The following TRIM44 variants were observed in gnomAD, a reference collection of about 807,000 sequenced individuals.
TRIM44 encodes tripartite motif-containing protein 44.
TRIM44 carries 13 observed loss-of-function variants against 37.4 expected under a neutral mutation model. The observed-to-expected ratio is 0.35, with a 90% CI of 0.23 to 0.55. The LOEUF (loss-of-function observed/expected upper bound fraction) is 0.55. Among genes scored for constraint, TRIM44 ranks in the 20% least tolerant of loss-of-function variants. TRIM44 has a pLI of 0.89. For missense variants in TRIM44, 426 were observed against 437.2 expected (o/e 0.97, Z 0.23); for synonymous variants, 175 against 157.2 (o/e 1.11, Z -0.85).
At chr11:35,687,330 G>T (rs527678447) in intron 2 of TRIM44, among the ~76,000 whole-genome samples, 48 of 152,292 alleles carry the variant, frequency 3.2e-4, no homozygotes, top group African/African-American at 1.1e-3. Flanking sequence ...CTTGTCTTCT[G>T]GTGTAGTCAG....
In TRIM44 at chr11:35,813,276, G is replaced by A. The variant is rs184353301; in HGVS notation, c.*6891G>A. 18 of 152,268 alleles carry A rather than the reference G, an allele frequency of 1.2e-4. No homozygotes were observed. The East Asian group carries it at 2.9e-3, about 24-fold the overall frequency. 9.4% of individuals were successfully genotyped at this position (152,268 alleles called of 1,614,324 possible). A position where few individuals can be genotyped will look rare whatever the true frequency, so the allele number is the denominator to read the frequency against. On this transcript the variant is annotated 3_prime_UTR_variant, in exon 5 of 5. Coordinates refer to ENST00000299413, the MANE Select transcript of TRIM44 (RefSeq NM_017583.6). ...CCTGAACACAAAATCTAAACCAGTGGTTTGACAATGAGTAACTGAGACAGA... is the reference window on the plus strand; with the variant it reads ...CCTGAACACAAAATCTAAACCAGTGATTTGACAATGAGTAACTGAGACAGA...
In TRIM44 at chr11:35,813,456, C is replaced by G. The variant is rs923568588; in HGVS notation, c.*7071C>G. The G allele has an allele frequency of 1.3e-5, 2 of 152,146 alleles. No individual in the cohort carries two copies. The highest frequency in any genetic ancestry group is 2.4e-5 in the African/African-American group (1 of 41,410). 9.4% of individuals were successfully genotyped at this position (152,146 alleles called of 1,614,324 possible). ...TAGTCATCAGGCACCTCCTCAGAAC[C>G]TATTTGCTCTTCCTTCACACATATT... On this transcript the variant is annotated 3_prime_UTR_variant, in exon 5 of 5. Coordinates refer to ENST00000299413, the MANE Select transcript of TRIM44 (RefSeq NM_017583.6).
chr11:35,799,002 C>T lies in TRIM44; in HGVS notation c.1008-7356C>T, dbSNP rs561930772. 2.6e-5 allele frequency among the ~76,000 whole-genome samples: 4 copies of T among 152,158 alleles called. 1 individual carries two copies. The South Asian group carries it at 8.3e-4, about 32-fold the overall frequency. ...AAAAGCAACAAAAAAGAAAAAGTTA[C>T]TCTTTGAATTAAAAAAATAAGGCTG... is the stretch of plus-strand genomic sequence containing the variant. On this transcript the variant is annotated intron_variant, in intron 4 of 4. Coordinates refer to ENST00000299413, the MANE Select transcript of TRIM44 (RefSeq NM_017583.6).
At chr11:35,775,558 G>A (rs911686876) in intron 4 of TRIM44, among the ~76,000 whole-genome samples, 13 of 152,154 alleles carry the variant, frequency 8.5e-5, no homozygotes, top group African/African-American at 3.1e-4. Flanking sequence ...AGTTTTCGAA[G>A]GGAATGCTTC....
intron 4 of TRIM44, among the ~76,000 whole-genome samples, chr11:35,741,738 A>G (rs1033329284): frequency 6.6e-6 from 1 of 152,162 alleles, no homozygotes; most frequent in Non-Finnish European, 1.5e-5. Flanking sequence ...TAGGAGCTCT[A>G]TTCCCTAACC....
At chr11:35,774,827 A>C (rs1001699700) in intron 4 of TRIM44, among the ~76,000 whole-genome samples, 1 of 152,038 alleles carries the variant, frequency 6.6e-6, no homozygotes, top group Non-Finnish European at 1.5e-5. Flanking sequence ...ATTGGTCTAT[A>C]TCTCTGTTTT....
rs968040191 is a variant in TRIM44 at position 35,663,270 on chromosome 11, C to T, written c.159C>T (p.Leu53=). 2 of 1,612,774 alleles carry T rather than the reference C, an allele frequency of 1.2e-6. No homozygotes were observed. The highest frequency in any genetic ancestry group is 1.7e-6 in the Non-Finnish European group (2 of 1,178,892). The change falls in exon 1 of 5, where the codon CTC becomes CTT. Residue 53 remains leucine, a synonymous_variant. Coordinates refer to ENST00000299413, the MANE Select transcript of TRIM44 (RefSeq NM_017583.6). ...CCGAGGCGCACAGGCAGAAGTTCCTCAGTCACCATCTGGCCGAATACGTCC... is the reference window on the plus strand; with the variant it reads ...CCGAGGCGCACAGGCAGAAGTTCCTTAGTCACCATCTGGCCGAATACGTCC... The part of the protein sequence containing the change: ...RHAEAHRQKF[L]SHHLAEYVHG...
intron 3 of TRIM44, among the ~76,000 whole-genome samples, chr11:35,733,971 A>G (rs964756488): frequency 5.3e-5 from 8 of 152,268 alleles, no homozygotes; most frequent in Non-Finnish European, 7.4e-5. Flanking sequence ...GGCAATATCA[A>G]TGTTACCTTC....
intron 2 of TRIM44, among the ~76,000 whole-genome samples, chr11:35,721,161 C>G (rs1177395521): frequency 6.6e-6 from 1 of 152,146 alleles, no homozygotes; most frequent in Non-Finnish European, 1.5e-5. Context: ...ACGTCAACCT[C>G]CCAAAGTGCC....
intron 2 of TRIM44, among the ~76,000 whole-genome samples, chr11:35,697,111 C>T (rs1183163695): frequency 4.7e-5 from 7 of 150,342 alleles, no homozygotes; most frequent in Non-Finnish European, 1.0e-4. Context: ...ATGTGCACAA[C>T]GTGCAGGTTT....
intron 4 of TRIM44, among the ~76,000 whole-genome samples, chr11:35,768,921 ATGG>A (rs1852830613): frequency 6.6e-6 from 1 of 152,234 alleles, no homozygotes; most frequent in East Asian, 1.9e-4. Context: ...GGCTAATAAA[ATGG>A]TGGTGTTTTT....
intron 3 of TRIM44, among the ~76,000 whole-genome samples, chr11:35,729,032 G>A (rs1482325728): frequency 2.0e-5 from 3 of 152,096 alleles, no homozygotes; most frequent in Non-Finnish European, 4.4e-5. Flanking sequence ...GACTCTTGCA[G>A]GTGGAAAAAA....
At position 35,696,857 on chromosome 11, in the gene TRIM44, A is replaced by C. The variant is rs61879648; in HGVS notation, c.747+11521A>C. 4.3e-4 allele frequency among the ~76,000 whole-genome samples: 65 copies of C among 150,068 alleles called. No individual in the cohort carries two copies. The East Asian group carries it at 0.011, about 25-fold the overall frequency. On this transcript the variant is annotated intron_variant, in intron 2 of 4. Transcript: ENST00000299413. ...AGTGAAACTCTGTCCAAAAAAAAAA[A>C]CAACAATTAATTAATTAATTAATTA... is the stretch of plus-strand genomic sequence containing the variant.
At chr11:35,673,020 C>G (rs1851416173) in intron 1 of TRIM44, among the ~76,000 whole-genome samples, 1 of 152,162 alleles carries the variant, frequency 6.6e-6, no homozygotes, top group Non-Finnish European at 1.5e-5. Flanking sequence ...CTGGGATTTC[C>G]AATCAAAATG....
At chr11:35,742,395 T>G (rs928694693) in intron 4 of TRIM44, among the ~76,000 whole-genome samples, 5 of 144,024 alleles carry the variant, frequency 3.5e-5, no homozygotes, top group Non-Finnish European at 7.5e-5. Flanking sequence ...TCTATATATA[T>G]AGGACAACAG....
intron 4 of TRIM44, among the ~76,000 whole-genome samples, chr11:35,762,160 A>C (rs1852739139): frequency 6.6e-6 from 1 of 152,226 alleles, no homozygotes; most frequent in South Asian, 2.1e-4. Context: ...GTGTGAATGC[A>C]AATTTATTGT....
chr11:35,692,482 T>C (rs566532871), intron 2 of TRIM44, among the ~76,000 whole-genome samples: 28 of 152,312 alleles, frequency 1.8e-4, no homozygotes, highest in African/African-American at 6.3e-4. Flanking sequence ...GTTATGCTAG[T>C]TGAGCTTCCC....
chr11:35,672,643 G>A (rs1199511957), intron 1 of TRIM44, among the ~76,000 whole-genome samples: 2 of 152,142 alleles, frequency 1.3e-5, no homozygotes, highest in Non-Finnish European at 2.9e-5. Flanking sequence ...ATTGGTGTCT[G>A]GGTGAATGGG....
rs987252799 is a variant in TRIM44, at chr11:35,811,445, T to A, written c.*5060T>A. 4.2e-4 allele frequency: 63 copies of A among 151,702 alleles called. No individual in the cohort carries two copies. Among genetic ancestry groups the A allele is most frequent in the Admixed American group, 1.7e-3 (26 of 15,276 alleles). The allele number at this position is 151,702 out of a possible 1,614,324, so 9.4% of individuals were successfully genotyped here. Reference sequence around the variant, plus strand: ...TTGCCATATTTTCTAGAAAAAAAAATGTCTTTTAGAGCAAATTACAGTTAG... The same window carrying A: ...TTGCCATATTTTCTAGAAAAAAAAAAGTCTTTTAGAGCAAATTACAGTTAG... On this transcript the variant is annotated 3_prime_UTR_variant, in exon 5 of 5. Transcript: ENST00000299413.
Sources: allele counts gnomAD v4.1 joint callset (sites outside exome capture counted in the v4.1 genomes callset), GRCh38; gene constraint gnomAD v4.1.1; transcripts MANE v1.5; gene names NCBI Gene and HGNC (gene_info 2026-07-23, HGNC 2026-07-21).